The following TRIM24 variants were observed in gnomAD, a reference collection of about 807,000 sequenced individuals.
TRIM24 encodes the protein tripartite motif containing 24.
In TRIM24, 29 loss-of-function variants were observed where a neutral mutation model predicts 123.9. The observed-to-expected ratio is 0.23, with a 90% CI of 0.17 to 0.32. TRIM24 has a LOEUF of 0.32. TRIM24 is among the 10% of genes least tolerant of loss of function. TRIM24 has a pLI of 1.00. For synonymous variants in TRIM24, 456 were observed against 461.1 expected (o/e 0.99, Z 0.14); for missense variants, 932 against 1,295.3 (o/e 0.72, Z 4.31).
chr7:138,518,688 G>A (rs1218730368), intron 3 of TRIM24, among the ~76,000 whole-genome samples: 1 of 151,826 alleles, frequency 6.6e-6, no homozygotes, highest in Non-Finnish European at 1.5e-5. Flanking sequence ...CTGTCTGTGA[G>A]GTCTCACAGT....
At chr7:138,462,954 C>G (rs990500161) in intron 1 of TRIM24, among the ~76,000 whole-genome samples, 1 of 150,884 alleles carries the variant, frequency 6.6e-6, no homozygotes, top group Non-Finnish European at 1.5e-5. Context: ...ACCGCAACCT[C>G]TGCCTCCTAG....
intron 3 of TRIM24, among the ~76,000 whole-genome samples, chr7:138,515,747 A>G (rs1796381057): frequency 6.6e-6 from 1 of 152,220 alleles, no homozygotes; most frequent in Admixed American, 6.5e-5. Flanking sequence ...TTTGTCTGAT[A>G]TGTGGATAGC....
chr7:138,517,574 A>G (rs993619140), intron 3 of TRIM24, among the ~76,000 whole-genome samples: 2 of 152,010 alleles, frequency 1.3e-5, no homozygotes, highest in Non-Finnish European at 2.9e-5. Flanking sequence ...GGGTTTCACC[A>G]TGTTGGCCAG....
chr7:138,483,973 CA>C (rs1487969626), intron 1 of TRIM24, among the ~76,000 whole-genome samples: 2 of 152,128 alleles, frequency 1.3e-5, no homozygotes, highest in African/African-American at 4.8e-5. Context: ...TTAGGCTGTT[CA>C]AAGTCCTCCC....
At chr7:138,480,015 C>T (rs547736338) in intron 1 of TRIM24, among the ~76,000 whole-genome samples, 77 of 152,100 alleles carry the variant, frequency 5.1e-4, no homozygotes, top group Middle Eastern at 3.4e-3. Context: ...GACAGGGTTT[C>T]GCCATGTTGG....
chr7:138,471,383 T>G (rs1795269187), intron 1 of TRIM24, among the ~76,000 whole-genome samples: 1 of 152,146 alleles, frequency 6.6e-6, no homozygotes, highest in Admixed American at 6.5e-5. Context: ...TATTTTTGCT[T>G]TTCATCTAGT....
Position 138,585,757 on chromosome 7 carries a change from G to A in TRIM24, c.*806G>A, listed in dbSNP as rs757164584. ...TGTCTATGTGAGGTTTAATTGTACA[G>A]GTGATCCTTTTACAACAAGCCTCAT... On this transcript the variant is annotated 3_prime_UTR_variant, in exon 19 of 19. Coordinates refer to ENST00000343526, the MANE Select transcript of TRIM24 (RefSeq NM_015905.3). The A allele has an allele frequency of 7.7e-6, 4 of 519,844 alleles. No individual in the cohort carries two copies. The highest frequency in any genetic ancestry group is 4.0e-5 in the Admixed American group (2 of 50,596). 32.2% of individuals were successfully genotyped at this position (519,844 alleles called of 1,614,324 possible). A position where few individuals can be genotyped will look rare whatever the true frequency, so the allele number is the denominator to read the frequency against.
At chr7:138,562,280 C>T (rs751281205) in intron 9 of TRIM24, among the ~76,000 whole-genome samples, 5 of 152,134 alleles carry the variant, frequency 3.3e-5, no homozygotes, top group Admixed American at 6.6e-5. Flanking sequence ...TGAACTGCGA[C>T]TCGCCCCATT....
At chr7:138,519,060 G>A (rs1796455105) in intron 3 of TRIM24, 129 bp from the exon 4 acceptor site, 1 of 1,057,880 alleles carries the variant, frequency 9.5e-7, no homozygotes, top group Admixed American at 2.7e-5. Flanking sequence ...CTTAGTGAAA[G>A]TTATGGTATA....
At chr7:138,529,303 T>C (rs1796677225) in intron 6 of TRIM24, 73 bp downstream of exon 6, 4 of 760,044 alleles carry the variant, frequency 5.3e-6, no homozygotes, top group Non-Finnish European at 7.9e-6. Context: ...GTAGAAATCA[T>C]AGTGCTTTTT....
chr7:138,570,538 C>G (rs1156331841), intron 10 of TRIM24, among the ~76,000 whole-genome samples: 1 of 151,910 alleles, frequency 6.6e-6, no homozygotes, highest in African/African-American at 2.4e-5. Context: ...TATATATTTA[C>G]ATTTTTTTTC....
chr7:138,467,886 G>T, intron 1 of TRIM24, among the ~76,000 whole-genome samples: 1 of 151,766 alleles, frequency 6.6e-6, no homozygotes, highest in South Asian at 2.1e-4. Flanking sequence ...TGCTAAATTC[G>T]ATTATTAAGT....
At chr7:138,468,632 A>G (rs1195326978) in intron 1 of TRIM24, among the ~76,000 whole-genome samples, 4 of 152,062 alleles carry the variant, frequency 2.6e-5, no homozygotes, top group African/African-American at 9.7e-5. Context: ...TGGTATGGCA[A>G]GGTTTAAGAC....
chr7:138,482,919 T>C (rs947150284), intron 1 of TRIM24, among the ~76,000 whole-genome samples: 11 of 151,990 alleles, frequency 7.2e-5, no homozygotes, highest in Admixed American at 7.2e-4. Flanking sequence ...TATGTCTTAA[T>C]TTGTTTTTGT....
chr7:138,531,313 A>G (rs185290328), intron 6 of TRIM24, among the ~76,000 whole-genome samples: 517 of 146,720 alleles, frequency 3.5e-3, no homozygotes, highest in African/African-American at 0.013. Flanking sequence ...CGTGTGCTGC[A>G]CCCATTAACT....
At chr7:138,581,916 C>A (rs1053394824) in intron 17 of TRIM24, 145 bp downstream of exon 17, 28 of 585,028 alleles carry the variant, frequency 4.8e-5, no homozygotes, top group Non-Finnish European at 8.1e-5. Context: ...ATGCTTTGAT[C>A]CTATGTAGGT....
At chr7:138,461,517 G>C (rs1458737605) in intron 1 of TRIM24, among the ~76,000 whole-genome samples, 1 of 152,104 alleles carries the variant, frequency 6.6e-6, no homozygotes, top group Admixed American at 6.5e-5. Flanking sequence ...ACCAAGAGAC[G>C]TTGTTTTGTT....
At chr7:138,480,238 A>T (rs1198312719) in intron 1 of TRIM24, among the ~76,000 whole-genome samples, 1 of 152,206 alleles carries the variant, frequency 6.6e-6, no homozygotes, top group East Asian at 1.9e-4. Flanking sequence ...TTCTGGGAAT[A>T]CAGGCGTGAG....
intron 18 of TRIM24, among the ~76,000 whole-genome samples, 165 bp from the exon 19 acceptor site, chr7:138,584,577 G>A (rs1429446954): frequency 2.0e-5 from 3 of 152,102 alleles, no homozygotes; most frequent in Non-Finnish European, 4.4e-5. Context: ...CCACACTTCT[G>A]AATCTTTTAT....
Sources: gnomAD v4.1 joint callset for allele counts (sites outside exome capture counted in the v4.1 genomes callset) on GRCh38, gnomAD v4.1.1 for gene constraint, MANE v1.5 for transcripts, NCBI Gene and HGNC (gene_info 2026-07-23, HGNC 2026-07-21) for gene names.